The following MTAP variants were observed in gnomAD, a reference collection of about 807,000 sequenced individuals.
MTAP encodes S-methyl-5'-thioadenosine phosphorylase.
MTAP carries 33 observed loss-of-function variants against 33.6 expected under a neutral mutation model. The ratio of observed to expected loss-of-function variants is 0.98; its 90% CI spans 0.74 to 1.31. MTAP has a LOEUF of 1.31. Among genes scored for constraint, MTAP ranks in the 40% most tolerant of loss-of-function variants. MTAP has a pLI of 0.00. For missense variants in MTAP, 367 were observed against 360.0 expected, an observed-to-expected ratio of 1.02 and a Z score of -0.16; for synonymous variants, 148 against 125.7, an observed-to-expected ratio of 1.18 and a Z score of -1.19.
downstream of MTAP, chr9:21,941,080 T>G (rs1173357890): frequency 9.8e-6 from 8 of 818,414 alleles, no homozygotes; most frequent in Non-Finnish European, 1.2e-5. Flanking sequence ...TAATAGTTAC[T>G]TAAAATTTAA....
intron 1 of MTAP, chr9:21,803,349 CCGCG>C (rs1412634561): frequency 1.2e-5 from 2 of 166,290 alleles, no homozygotes; most frequent in African/African-American, 4.8e-5. Context: ...TAGGCCTTCT[CCGCG>C]CTGAAGTTTT....
Position 21,865,743 on chromosome 9 carries a change from C to T in MTAP, c.*3729C>T, listed in dbSNP as rs959380668. On this transcript the variant is annotated 3_prime_UTR_variant, in exon 8 of 8. Transcript: ENST00000644715. ...CTATGCCTTTGAGAACCTCGGGATCCCAAAGAATGAGGGGAATTTCTTCAG... is the reference window on the plus strand; with the variant it reads ...CTATGCCTTTGAGAACCTCGGGATCTCAAAGAATGAGGGGAATTTCTTCAG... 2.1e-5 allele frequency: 22 copies of T among 1,039,866 alleles called. No individual in the cohort carries two copies. The highest frequency in any genetic ancestry group is 2.4e-5 in the Non-Finnish European group (21 of 858,112). The allele number at this position is 1,039,866 out of a possible 1,614,324, so 64.4% of individuals were successfully genotyped here.
At chr9:21,875,424 C>A (rs985654383) in intron 1 of MTAP, among the ~76,000 whole-genome samples, 1 of 152,012 alleles carries the variant, frequency 6.6e-6, no homozygotes, top group African/African-American at 2.4e-5. Flanking sequence ...TATCCTTCGC[C>A]CACTTTTTGA....
At chr9:21,828,325 G>C (rs1334898050) in intron 4 of MTAP, among the ~76,000 whole-genome samples, 1 of 152,142 alleles carries the variant, frequency 6.6e-6, no homozygotes, top group Non-Finnish European at 1.5e-5. Flanking sequence ...ATACTGGCTG[G>C]AGGGTCCACT....
At chr9:21,883,580 C>G (rs1003450642) in intron 1 of MTAP, among the ~76,000 whole-genome samples, 1 of 151,798 alleles carries the variant, frequency 6.6e-6, no homozygotes, top group Non-Finnish European at 1.5e-5. Flanking sequence ...GACTTAATAC[C>G]TATGATTAAA....
intron 6 of MTAP, among the ~76,000 whole-genome samples, chr9:21,855,765 GGTACCCA>G: frequency 6.6e-6 from 1 of 152,236 alleles, no homozygotes; most frequent in South Asian, 2.1e-4. Context: ...ATGAATTCCA[GGTACCCA>G]TCACTTAGGT....
downstream of MTAP, among the ~76,000 whole-genome samples, chr9:21,867,374 G>A (rs1825870139): frequency 6.6e-6 from 1 of 152,070 alleles, no homozygotes; most frequent in African/African-American, 2.4e-5. Flanking sequence ...TTTGCCAAGA[G>A]TGTCATGAAT....
At chr9:21,858,416 G>A (rs1454965492) in intron 6 of MTAP, among the ~76,000 whole-genome samples, 3 of 152,126 alleles carry the variant, frequency 2.0e-5, no homozygotes, top group South Asian at 2.1e-4. Context: ...CAGGCTGTAC[G>A]GGACGTGATG....
intron 1 of MTAP, among the ~76,000 whole-genome samples, chr9:21,805,487 TGGGTGAG>T (rs1360536137): frequency 6.6e-6 from 1 of 152,174 alleles, no homozygotes; most frequent in Non-Finnish European, 1.5e-5. Flanking sequence ...AAGATTCCAT[TGGGTGAG>T]GGGTGTCAGA....
At chr9:21,907,564 A>G (rs995030029) in intron 1 of MTAP, among the ~76,000 whole-genome samples, 1 of 152,224 alleles carries the variant, frequency 6.6e-6, no homozygotes, top group African/African-American at 2.4e-5. Context: ...CTCAAAAACA[A>G]CAACAAAAAA....
At chr9:21,924,114 G>T (rs1420166964) in intron 1 of MTAP, among the ~76,000 whole-genome samples, 1 of 152,232 alleles carries the variant, frequency 6.6e-6, no homozygotes, top group East Asian at 1.9e-4. Flanking sequence ...ATTGTGATGA[G>T]ATGGGACACA....
intron 1 of MTAP, among the ~76,000 whole-genome samples, chr9:21,896,949 A>T (rs1185103078): frequency 6.6e-6 from 1 of 152,322 alleles, no homozygotes; most frequent in East Asian, 1.9e-4. Flanking sequence ...TTAAACCAAT[A>T]TCCCTGATGA....
Position 21,863,214 on chromosome 9 carries a change from TTTTATGAGTTAAA to T in MTAP, c.*1203_*1215del. 2 of 969,332 alleles carry T rather than the reference TTTTATGAGTTAAA, an allele frequency of 2.1e-6. No individual in the cohort carries two copies. The highest frequency in any genetic ancestry group is 2.5e-6 in the Non-Finnish European group (2 of 815,340). The allele number at this position is 969,332 out of a possible 1,614,324, so 60.0% of individuals were successfully genotyped here. ...TTAAAAAGTAATGTTTGATTCTCCT[TTTTATGAGTTAAA>T]TTATTTTATACGAGTTGGTAATTTT... On this transcript the variant is annotated 3_prime_UTR_variant, in exon 8 of 8. Transcript: ENST00000644715.
In MTAP at chr9:21,816,601, G is replaced by A. The variant is rs538981662; in HGVS notation, c.121-113G>A. The A allele has an allele frequency of 4.5e-5, 38 of 837,116 alleles. No individual in the cohort carries two copies. The African/African-American group carries it at 5.9e-4, about 13-fold the overall frequency. The allele number at this position is 837,116 out of a possible 1,614,324, so 51.9% of individuals were successfully genotyped here. ...TAATCAGATCTTGCCTCTTCTCTAA[G>A]TTGTATCCTCAGACTCTTCAGATTC... On this transcript the variant is annotated intron_variant, in intron 2 of 7. Transcript: ENST00000644715.
intron 1 of MTAP, among the ~76,000 whole-genome samples, chr9:21,878,189 G>A (rs527333892): frequency 3.9e-5 from 6 of 152,104 alleles, no homozygotes; most frequent in Admixed American, 1.3e-4. Flanking sequence ...TTTCTGTGGG[G>A]TCATTGGTAA....
chr9:21,828,913 A>G (rs1563837329), intron 4 of MTAP, among the ~76,000 whole-genome samples: 1 of 152,172 alleles, frequency 6.6e-6, no homozygotes, highest in Non-Finnish European at 1.5e-5. Context: ...CCTTTGATTG[A>G]GCTGAGTGGG....
intron 1 of MTAP, 100 bp downstream of exon 1, chr9:21,802,881 T>G (rs915069269): frequency 2.6e-6 from 4 of 1,511,940 alleles, no homozygotes; most frequent in African/African-American, 2.8e-5. Flanking sequence ...GCCCGGCCCG[T>G]GCGTCCCTTG....
intron 4 of MTAP, among the ~76,000 whole-genome samples, chr9:21,823,436 T>C (rs1208515780): frequency 1.3e-5 from 2 of 152,224 alleles, no homozygotes. Context: ...TGTTGAATAT[T>C]GGCCCCCACT....
At chr9:21,912,417 C>T (rs934739922) in intron 1 of MTAP, among the ~76,000 whole-genome samples, 3 of 152,162 alleles carry the variant, frequency 2.0e-5, no homozygotes, top group Admixed American at 6.5e-5. Flanking sequence ...AGCAGCACAT[C>T]CAAAAGCTTA....
Sources: allele counts gnomAD v4.1 joint callset (sites outside exome capture counted in the v4.1 genomes callset), GRCh38; gene constraint gnomAD v4.1.1; transcripts MANE v1.5; gene names NCBI Gene and HGNC (gene_info 2026-07-23, HGNC 2026-07-21).